The following DIPK1B variants were observed in gnomAD, a reference collection of about 807,000 sequenced individuals.
The protein encoded by DIPK1B is divergent protein kinase domain 1B.
A neutral mutation model predicts 20.7 loss-of-function variants in DIPK1B; 17 were observed. That is an observed-to-expected ratio of 0.82 (90% CI 0.56 to 1.23). DIPK1B has a LOEUF of 1.23. Among genes scored for constraint, DIPK1B ranks in the 50% most tolerant of loss-of-function variants. The pLI, the probability that DIPK1B is intolerant of heterozygous loss-of-function variation, is 0.00. For missense variants in DIPK1B, 648 were observed against 601.8 expected (o/e 1.08, Z -0.80); for synonymous variants, 343 against 276.5 (o/e 1.24, Z -2.39).
In DIPK1B at chr9:136,723,374, C is replaced by T; in HGVS notation, c.896C>T (p.Thr299Ile). ...SYGTFYMCET[T>I]LANVGYTATY... is the part of the protein sequence containing the mutation. ...GGGACTTTCTACATGTGTGAGACCA[C>T]ACTGGCCAACGTGGGCTACACAGCC... is the stretch of plus-strand genomic sequence containing the variant. The change falls in exon 5 of 5, where the codon ACA (threonine) becomes ATA (isoleucine). Residue 299 changes from threonine (T) to isoleucine (I), a missense_variant. Physicochemically the swap from Thr to Ile is moderately conservative, Grantham distance 89. Coordinates refer to ENST00000371692, the MANE Select transcript of DIPK1B (RefSeq NM_152421.4). 2 of 1,613,372 alleles carry T rather than the reference C, an allele frequency of 1.2e-6. No individual in the cohort carries two copies. The highest frequency in any genetic ancestry group is 1.7e-6 in the Non-Finnish European group (2 of 1,179,848).
chr9:136,718,959 C>T (rs1219285901), intron 2 of DIPK1B, among the ~76,000 whole-genome samples: 2 of 152,132 alleles, frequency 1.3e-5, no homozygotes, highest in Admixed American at 1.3e-4. Flanking sequence ...GGCCTCCGGG[C>T]CCCTGGACCA....
Position 136,723,207 on chromosome 9 carries a change from C to G in DIPK1B, c.729C>G (p.Ala243=), listed in dbSNP as rs1402418088. Residue 243 remains alanine (A), a synonymous_variant, in exon 5 of 5, where the codon GCC becomes GCG. Coordinates refer to ENST00000371692, the MANE Select transcript of DIPK1B (RefSeq NM_152421.4). The part of the protein sequence containing the change: ...GVPHGAWHAA[A]LPPLLRPLLP... ...CGCATGGCGCCTGGCACGCGGCCGCCCTTCCACCCCTGTTGCGCCCACTGC... is the reference window on the plus strand; with the variant it reads ...CGCATGGCGCCTGGCACGCGGCCGCGCTTCCACCCCTGTTGCGCCCACTGC... 1 of 1,612,424 alleles carries G rather than the reference C, an allele frequency of 6.2e-7. No individual in the cohort carries two copies.
At chr9:136,713,150 C>G (rs1846450024) in intron 1 of DIPK1B, among the ~76,000 whole-genome samples, 1 of 152,204 alleles carries the variant, frequency 6.6e-6, no homozygotes, top group Non-Finnish European at 1.5e-5. Context: ...CCAGCCGTAG[C>G]GCGGGGACCC....
intron 1 of DIPK1B, among the ~76,000 whole-genome samples, chr9:136,713,610 T>G (rs958038494): frequency 6.6e-6 from 1 of 152,034 alleles, no homozygotes; most frequent in Non-Finnish European, 1.5e-5. Flanking sequence ...TGGGGCAGGG[T>G]GAGAGCTAAG....
chr9:136,712,595 G>GCGGGCCGGGC lies in DIPK1B; in HGVS notation c.-61_-52dup, dbSNP rs894904352. 11 of 733,540 alleles carry GCGGGCCGGGC rather than the reference G, an allele frequency of 1.5e-5. No homozygotes were observed. The highest frequency in any genetic ancestry group is 1.3e-4 in the East Asian group (1 of 7,622). 45.4% of individuals were successfully genotyped at this position (733,540 alleles called of 1,614,324 possible). A position where few individuals can be genotyped will look rare whatever the true frequency, so the allele number is the denominator to read the frequency against. ...GCATGGCGAGGGAGCGGCGGCCGCT[G>GCGGGCCGGGC]CGGGCCGGGCCGGGCCGGGGCTGAG... On this transcript the variant is annotated 5_prime_UTR_variant, in exon 1 of 5. The change abolishes the stop of an existing upstream ORF in the 5' untranslated region. Transcript: ENST00000371692. The surrounding 1 kb of genome is among the most constrained non-coding windows in gnomAD (Gnocchi z 5.6).
chr9:136,721,547 G>T (rs1294790466), intron 2 of DIPK1B: 3 of 273,202 alleles, frequency 1.1e-5, no homozygotes, highest in Non-Finnish European at 2.2e-5. Flanking sequence ...TGCCTGGATG[G>T]TCCAGAGCTG....
Position 136,712,767 on chromosome 9 carries a change from G to C in DIPK1B, c.63+39G>C, listed in dbSNP as rs1846444684. On this transcript the variant is annotated intron_variant, in intron 1 of 4. Coordinates refer to ENST00000371692, the MANE Select transcript of DIPK1B (RefSeq NM_152421.4). This position sits in a 1 kb window ranked among gnomAD's most constrained non-coding sequence, Gnocchi z 5.6. ...GCGCCCGCCGCCCCCGGCCGCCTCTGCCTGGGGAGGCCGAGCTCCAGCCCC... is the reference window on the plus strand; with the variant it reads ...GCGCCCGCCGCCCCCGGCCGCCTCTCCCTGGGGAGGCCGAGCTCCAGCCCC... 3 of 1,287,908 alleles carry C rather than the reference G, an allele frequency of 2.3e-6. No homozygotes were observed. The Admixed American group carries it at 1.2e-4, about 53-fold the overall frequency. 79.8% of individuals were successfully genotyped at this position (1,287,908 alleles called of 1,614,324 possible).
intron 2 of DIPK1B, among the ~76,000 whole-genome samples, chr9:136,720,232 A>T (rs1380303259): frequency 6.6e-6 from 1 of 151,896 alleles, no homozygotes; most frequent in Non-Finnish European, 1.5e-5. Context: ...TGTCTTGACG[A>T]AGAGCCGGCG....
chr9:136,722,616 C>T, intron 4 of DIPK1B: 1 of 558,814 alleles, frequency 1.8e-6, no homozygotes, highest in Non-Finnish European at 3.2e-6. Flanking sequence ...GGGCCGCTTC[C>T]CAGGGCTTCA....
chr9:136,717,067 A>G (rs1720989533), intron 1 of DIPK1B, among the ~76,000 whole-genome samples: 1 of 152,012 alleles, frequency 6.6e-6, no homozygotes, highest in South Asian at 2.1e-4. Flanking sequence ...CGTCTCTACT[A>G]AAAATACAAA....
rs1846441094 is a variant in DIPK1B at position 136,712,664 on chromosome 9, C to T, written c.-2C>T. The T allele has an allele frequency of 1.6e-6, 2 of 1,284,240 alleles. No individual in the cohort carries two copies. The highest frequency in any genetic ancestry group is 2.2e-5 in the South Asian group (1 of 46,302). 79.6% of individuals were successfully genotyped at this position (1,284,240 alleles called of 1,614,324 possible). A position where few individuals can be genotyped will look rare whatever the true frequency, so the allele number is the denominator to read the frequency against. ...CCCGCGCAGCCCCGGCCGGAGCCCA[C>T]CATGCGGCGGCTGCGGCGCCTGGCG... On this transcript the variant is annotated 5_prime_UTR_variant, in exon 1 of 5. Transcript: ENST00000371692. This position sits in a 1 kb window ranked among gnomAD's most constrained non-coding sequence, Gnocchi z 5.6.
Position 136,723,869 on chromosome 9 carries a change from C to A in DIPK1B, c.*95C>A. 1 of 1,304,116 alleles carries A rather than the reference C, an allele frequency of 7.7e-7. No individual in the cohort carries two copies. Among genetic ancestry groups the A allele is most frequent in the Non-Finnish European group, 1.0e-6 (1 of 964,500 alleles). 80.8% of individuals were successfully genotyped at this position (1,304,116 alleles called of 1,614,324 possible). On this transcript the variant is annotated 3_prime_UTR_variant, in exon 5 of 5. Transcript: ENST00000371692. Reference sequence around the variant, plus strand: ...GAATCCTGTCAGAAGATGTGAAATGCAACTGTGTTGCAAAATCACTCCCCT... The same window carrying A: ...GAATCCTGTCAGAAGATGTGAAATGAAACTGTGTTGCAAAATCACTCCCCT...
Position 136,721,974 on chromosome 9 carries a change from T to C in DIPK1B, c.252T>C (p.Cys84=), listed in dbSNP as rs1357000601. Residue 84 remains cysteine, a synonymous_variant, in exon 3 of 5, where the codon TGT becomes TGC. Transcript: ENST00000371692. ...IISGSVCQDL[C]ELHMVEWRTC... ...CGGGCTCCGTCTGCCAGGACCTGTG[T>C]GAGCTGCATATGGTGGAGTGGAGGA... The C allele has an allele frequency of 7.4e-6, 12 of 1,612,216 alleles. No homozygotes were observed. The highest frequency in any genetic ancestry group is 1.0e-5 in the Non-Finnish European group (12 of 1,178,974).
chr9:136,715,332 T>TGTCA (rs996133234), intron 1 of DIPK1B, among the ~76,000 whole-genome samples: 32 of 152,274 alleles, frequency 2.1e-4, no homozygotes, highest in Admixed American at 1.8e-3. Flanking sequence ...TGTCCCTGGC[T>TGTCA]GTCACCCTTG....
At chr9:136,721,665 C>T (rs963490940) in intron 2 of DIPK1B, 3 of 498,170 alleles carry the variant, frequency 6.0e-6, no homozygotes, top group East Asian at 3.5e-5. Flanking sequence ...CTTTGCTGTG[C>T]CGTCCTGTTA....
Position 136,723,778 on chromosome 9 carries a change from G to T in DIPK1B, c.*4G>T. ...CTCCAACACCAAGTACTCTTGATGGGGCAGTGAGGGGCCTGGCCACCCTTC... is the reference window on the plus strand; with the variant it reads ...CTCCAACACCAAGTACTCTTGATGGTGCAGTGAGGGGCCTGGCCACCCTTC... On this transcript the variant is annotated 3_prime_UTR_variant, in exon 5 of 5. Coordinates refer to ENST00000371692, the MANE Select transcript of DIPK1B (RefSeq NM_152421.4). 6.5e-7 allele frequency: 1 copy of T among 1,533,190 alleles called. No individual in the cohort carries two copies. Among genetic ancestry groups the T allele is most frequent in the East Asian group, 2.4e-5 (1 of 40,870 alleles). 95.0% of individuals were successfully genotyped at this position (1,533,190 alleles called of 1,614,324 possible). A position where few individuals can be genotyped will look rare whatever the true frequency, so the allele number is the denominator to read the frequency against.
At position 136,712,824 on chromosome 9, in the gene DIPK1B, G is replaced by C. The variant is rs1367409572; in HGVS notation, c.63+96G>C. ...GGCCGAGTACGGAGCGGGGCCCCGG[G>C]TTCGGACACGAAGGGTTCATGAGCC... On this transcript the variant is annotated intron_variant, in intron 1 of 4. Transcript: ENST00000371692. The surrounding 1 kb of genome is among the most constrained non-coding windows in gnomAD (Gnocchi z 5.6). 5.8e-6 allele frequency: 5 copies of C among 864,678 alleles called. No individual in the cohort carries two copies. Among genetic ancestry groups the C allele is most frequent in the African/African-American group, 1.8e-5 (1 of 55,756 alleles). 53.6% of individuals were successfully genotyped at this position (864,678 alleles called of 1,614,324 possible). A position where few individuals can be genotyped will look rare whatever the true frequency, so the allele number is the denominator to read the frequency against.
chr9:136,722,166 G>T lies in DIPK1B; in HGVS notation c.348G>T (p.Lys116Asn). The T allele has an allele frequency of 6.2e-7, 1 of 1,614,044 alleles. No individual in the cohort carries two copies. Among genetic ancestry groups the T allele is most frequent in the Non-Finnish European group, 8.5e-7 (1 of 1,179,988 alleles). ...GGCGGGACAAGGATGTAACCATCAA[G>T]TGTGGCATTGAGGAGACCCTCGACT... is the stretch of plus-strand genomic sequence containing the variant. The part of the protein sequence containing the change: ...GLWRDKDVTI[K>N]CGIEETLDSK... The change falls in exon 4 of 5, where the codon AAG becomes AAT. Residue 116 changes from lysine to asparagine, a missense_variant. Coordinates refer to ENST00000371692, the MANE Select transcript of DIPK1B (RefSeq NM_152421.4).
chr9:136,719,064 G>A (rs1003375577), intron 2 of DIPK1B, among the ~76,000 whole-genome samples: 19 of 151,430 alleles, frequency 1.3e-4, no homozygotes, highest in African/African-American at 4.6e-4. Flanking sequence ...GGTGGGGAAG[G>A]CTGTGCCCCG....
Sources: gnomAD v4.1 joint callset for allele counts (sites outside exome capture counted in the v4.1 genomes callset) on GRCh38, gnomAD v4.1.1 for gene constraint, Gnocchi (gnomAD v3.1) non-coding constraint, MANE v1.5 for transcripts, NCBI Gene and HGNC (gene_info 2026-07-23, HGNC 2026-07-21) for gene names.